GALNT2: variants seen among roughly 807,000 people sequenced by gnomAD.
The protein encoded by GALNT2 is polypeptide N-acetylgalactosaminyltransferase 2.
In GALNT2, 31 loss-of-function variants were observed where a neutral mutation model predicts 81.4. That is an observed-to-expected ratio of 0.38 (90% CI 0.29 to 0.51). The LOEUF is 0.51. GALNT2 is among the 20% of genes least tolerant of loss of function. GALNT2 has a pLI of 0.87. For missense variants in GALNT2, 629 were observed against 765.7 expected, an observed-to-expected ratio of 0.82 and a Z score of 2.11; for synonymous variants, 303 against 287.4, an observed-to-expected ratio of 1.05 and a Z score of -0.55.
chr1:230,093,002 G>A (rs187954359), intron 1 of GALNT2, among the ~76,000 whole-genome samples: 28 of 152,278 alleles, frequency 1.8e-4, no homozygotes, highest in Middle Eastern at 3.4e-3. Flanking sequence ...ATAATCCTGC[G>A]TGGCAGGTAT....
intron 1 of GALNT2, among the ~76,000 whole-genome samples, chr1:230,081,493 TA>T (rs11289385): frequency 0.96 from 145,734 of 152,302 alleles, 69,782 homozygotes; most frequent in East Asian, 1. Flanking sequence ...TATAGCGTGT[TA>T]ATTTGAAAAC....
intron 1 of GALNT2, among the ~76,000 whole-genome samples, chr1:230,169,826 G>A (rs1285369454): frequency 6.6e-6 from 1 of 152,200 alleles, no homozygotes; most frequent in Non-Finnish European, 1.5e-5. Context: ...TATGTATAAA[G>A]CAGTTTGTGA....
chr1:230,163,815 T>C (rs1006794429), intron 1 of GALNT2, among the ~76,000 whole-genome samples: 2 of 152,240 alleles, frequency 1.3e-5, no homozygotes, highest in African/African-American at 4.8e-5. Context: ...ACTGACTGTC[T>C]TGGCTGCTGT....
chr1:230,124,376 T>C (rs1661111145), intron 1 of GALNT2, among the ~76,000 whole-genome samples: 1 of 152,184 alleles, frequency 6.6e-6, no homozygotes, highest in African/African-American at 2.4e-5. Context: ...TCTGACCTGA[T>C]CTGTGGTCGT....
chr1:230,209,214 G>A (rs1039647801), intron 3 of GALNT2, among the ~76,000 whole-genome samples: 12 of 152,134 alleles, frequency 7.9e-5, no homozygotes, highest in African/African-American at 1.4e-4. Context: ...ACTAGCAGCC[G>A]CATGGAAGTA....
At chr1:230,191,684 A>T (rs1046407799) in intron 2 of GALNT2, among the ~76,000 whole-genome samples, 1 of 152,164 alleles carries the variant, frequency 6.6e-6, no homozygotes, top group Non-Finnish European at 1.5e-5. Context: ...ACACATTTTT[A>T]AAATTTTTTG....
rs772293753 is a variant in GALNT2 at position 230,275,491 on chromosome 1, A to G, written c.1560+927A>G. On this transcript the variant is annotated intron_variant, in intron 15 of 15. Transcript: ENST00000366672. This position sits in a 1 kb window ranked among gnomAD's most constrained non-coding sequence, Gnocchi z 5.5. ...ACAAACACCACATATATATACATAT[A>G]CACACACACACCACAGATACATACA... 1.3e-5 allele frequency among the ~76,000 whole-genome samples: 2 copies of G among 151,264 alleles called. No homozygotes were observed. The highest frequency in any genetic ancestry group is 2.4e-5 in the African/African-American group (1 of 41,072).
chr1:230,175,625 CCCTCCTCCTCCTT>C, intron 1 of GALNT2, among the ~76,000 whole-genome samples: 1 of 137,858 alleles, frequency 7.3e-6, no homozygotes, highest in Non-Finnish European at 1.6e-5. Flanking sequence ...CCTCCCTCTC[CCCTCCTCCTCCTT>C]TCCCTCTCCC....
intron 1 of GALNT2, among the ~76,000 whole-genome samples, chr1:230,165,048 C>T (rs923316984): frequency 1.3e-5 from 2 of 152,108 alleles, no homozygotes; most frequent in Admixed American, 6.5e-5. Context: ...TGCATAAGGT[C>T]GAAGTTCCAA....
chr1:230,200,067 T>C (rs559619782), intron 2 of GALNT2, among the ~76,000 whole-genome samples: 6 of 142,182 alleles, frequency 4.2e-5, no homozygotes, highest in East Asian at 4.3e-4. Context: ...TTTTTCTTTT[T>C]TTTTTTTTTT....
chr1:230,188,356 G>A (rs948065997), intron 2 of GALNT2, among the ~76,000 whole-genome samples: 1 of 152,192 alleles, frequency 6.6e-6, no homozygotes, highest in African/African-American at 2.4e-5. Flanking sequence ...GTCCCAGCTG[G>A]AAGTCATGGA....
chr1:230,116,711 T>C (rs1466886958), intron 1 of GALNT2, among the ~76,000 whole-genome samples: 1 of 152,168 alleles, frequency 6.6e-6, no homozygotes, highest in Non-Finnish European at 1.5e-5. Context: ...CAGGAGTATA[T>C]ATTTTTTTTC....
chr1:230,146,121 C>T (rs1338815643), intron 1 of GALNT2, among the ~76,000 whole-genome samples: 1 of 152,182 alleles, frequency 6.6e-6, no homozygotes, highest in Non-Finnish European at 1.5e-5. Context: ...TTCCTTCTTC[C>T]TCCTGGGTTA....
intron 3 of GALNT2, among the ~76,000 whole-genome samples, chr1:230,224,963 A>G (rs1664663198): frequency 6.6e-6 from 1 of 152,270 alleles, no homozygotes; most frequent in Non-Finnish European, 1.5e-5. Context: ...AGACAAACCT[A>G]AAGTTATTAA....
intron 10 of GALNT2, 118 bp from the exon 11 acceptor site, chr1:230,255,100 G>A: frequency 7.1e-7 from 1 of 1,413,584 alleles, no homozygotes; most frequent in East Asian, 2.3e-5. Flanking sequence ...AGCAGCAGAG[G>A]GCATGGGAGC....
intron 5 of GALNT2, 96 bp from the exon 6 acceptor site, chr1:230,236,564 A>G: frequency 1.4e-6 from 2 of 1,435,438 alleles, no homozygotes; most frequent in Non-Finnish European, 9.7e-7. Flanking sequence ...CCCCAAGGAG[A>G]TAATCGGCCC....
rs1665737954 is a variant in GALNT2 at position 230,257,100 on chromosome 1, A to G, written c.1136+1756A>G. On this transcript the variant is annotated intron_variant, in intron 11 of 15. Coordinates refer to ENST00000366672, the MANE Select transcript of GALNT2 (RefSeq NM_004481.5). The surrounding 1 kb of genome is among the most constrained non-coding windows in gnomAD (Gnocchi z 4.6). ...GAGTAAGGGGACAGTGCACAGGGGC[A>G]GAAGAGCTAGACAGGCCCGGGCCAT... Among the ~76,000 whole-genome samples the G allele has an allele frequency of 6.6e-6, 1 of 152,272 alleles. No homozygotes were observed. Among genetic ancestry groups the G allele is most frequent in the Non-Finnish European group, 1.5e-5 (1 of 68,046 alleles).
chr1:230,139,891 C>G (rs558111342), intron 1 of GALNT2, among the ~76,000 whole-genome samples: 1 of 152,306 alleles, frequency 6.6e-6, no homozygotes. Context: ...TCCTGGGAAC[C>G]TTTAATTGTC....
chr1:230,144,786 TA>T (rs1661862439), intron 1 of GALNT2, among the ~76,000 whole-genome samples: 1 of 152,144 alleles, frequency 6.6e-6, no homozygotes, highest in African/African-American at 2.4e-5. Context: ...GAGGATTAAT[TA>T]AAGACTAAGG....
Sources: gnomAD v4.1 joint callset for allele counts (sites outside exome capture counted in the v4.1 genomes callset) on GRCh38, gnomAD v4.1.1 for gene constraint, Gnocchi (gnomAD v3.1) non-coding constraint, MANE v1.5 for transcripts, NCBI Gene and HGNC (gene_info 2026-07-23, HGNC 2026-07-21) for gene names.